The following TRPC6 variants were observed in gnomAD, a reference collection of about 807,000 sequenced individuals.
TRPC6 encodes the protein transient receptor potential cation channel subfamily C member 6.
TRPC6 carries 55 observed loss-of-function variants against 90.7 expected under a neutral mutation model. The ratio of observed to expected loss-of-function variants is 0.61; its 90% confidence interval spans 0.49 to 0.76. TRPC6 has a LOEUF of 0.76. TRPC6 is among the 30% of genes least tolerant of loss of function. The pLI, the probability that TRPC6 is intolerant of heterozygous loss-of-function variation, is 0.00. For missense variants in TRPC6, 989 were observed against 1,122.7 expected (o/e 0.88, Z 1.70); for synonymous variants, 393 against 393.0 (o/e 1.00, Z 0.00).
intron 2 of TRPC6, among the ~76,000 whole-genome samples, chr11:101,502,891 C>T (rs1860163463): frequency 6.6e-6 from 1 of 152,060 alleles, no homozygotes; most frequent in African/African-American, 2.4e-5. Context: ...ACAGTGGCAC[C>T]AAGAAGCTGC....
chr11:101,576,073 T>G (rs986222029), intron 1 of TRPC6, among the ~76,000 whole-genome samples: 48 of 152,232 alleles, frequency 3.2e-4, no homozygotes, highest in African/African-American at 1.1e-3. Flanking sequence ...ATATATTGGG[T>G]TTTGCCCACT....
rs147898296 is a variant in TRPC6 at position 101,561,486 on chromosome 11, A to G, written c.170+21848T>C. On this transcript the variant is annotated intron_variant, in intron 1 of 12. Transcript: ENST00000344327. Reference sequence around the variant, plus strand: ...TACTTTTTATTTTAAATTTTCATGGAAACTGTTGAGAACATTTGAGAACAG... The same window carrying G: ...TACTTTTTATTTTAAATTTTCATGGGAACTGTTGAGAACATTTGAGAACAG... Among the ~76,000 whole-genome samples the G allele has an allele frequency of 2.6e-3, 400 of 152,280 alleles. 3 individuals are homozygous for G. The highest frequency in any genetic ancestry group is 9.3e-3 in the African/African-American group (385 of 41,572).
Position 101,491,705 on chromosome 11 carries a change from C to T in TRPC6, c.979G>A (p.Asp327Asn), listed in dbSNP as rs760419631. 3 of 1,613,926 alleles carry T rather than the reference C, an allele frequency of 1.9e-6. No individual in the cohort carries two copies. The highest frequency in any genetic ancestry group is 2.5e-6 in the Non-Finnish European group (3 of 1,179,974). The change falls in exon 3 of 13, where the codon GAC becomes AAC. Residue 327 changes from aspartate (D) to asparagine (N), a missense_variant. Physicochemically the swap from Asp to Asn is conservative, Grantham distance 23. Coordinates refer to ENST00000344327, the MANE Select transcript of TRPC6 (RefSeq NM_004621.6). ...DYKKLSMQCKDFVVGLLDLCR... is the reference protein window; with the variant it reads ...DYKKLSMQCKNFVVGLLDLCR... ...AGATCAAGGAGTCCAACAACAAAGT[C>T]TTTGCACTGCATTGACAGTTTTTTG...
At chr11:101,455,161 G>A (rs1295975036) in intron 10 of TRPC6, 60 bp from the exon 11 acceptor site, 1 of 1,354,932 alleles carries the variant, frequency 7.4e-7, no homozygotes, top group African/African-American at 1.5e-5. Flanking sequence ...AAATAAAGTA[G>A]TGAGATTAGT....
intron 1 of TRPC6, among the ~76,000 whole-genome samples, chr11:101,560,668 T>G (rs1316183070): frequency 6.6e-6 from 1 of 151,626 alleles, no homozygotes; most frequent in Non-Finnish European, 1.5e-5. Context: ...AAAAATAGCA[T>G]AGATCTGCCC....
intron 1 of TRPC6, among the ~76,000 whole-genome samples, chr11:101,558,117 C>T (rs547796738): frequency 6.6e-6 from 1 of 151,630 alleles, no homozygotes; most frequent in African/African-American, 2.4e-5. Flanking sequence ...TATCATACTA[C>T]CTGACCTCAA....
chr11:101,475,684 T>A (rs1482656370), intron 6 of TRPC6, among the ~76,000 whole-genome samples: 1 of 151,938 alleles, frequency 6.6e-6, no homozygotes, highest in Non-Finnish European at 1.5e-5. Context: ...CTTCTTTGAG[T>A]TTGACTTTTT....
intron 1 of TRPC6, among the ~76,000 whole-genome samples, chr11:101,514,242 T>C (rs1350514952): frequency 6.6e-6 from 1 of 151,138 alleles, no homozygotes; most frequent in Non-Finnish European, 1.5e-5. Flanking sequence ...GCTAGGCACA[T>C]TGGGGGTACA....
At chr11:101,567,165 A>G (rs1861853998) in intron 1 of TRPC6, among the ~76,000 whole-genome samples, 1 of 150,948 alleles carries the variant, frequency 6.6e-6, no homozygotes. Context: ...CACCTGGGTC[A>G]CTCTAGCTAG....
At chr11:101,526,667 T>G (rs942893488) in intron 1 of TRPC6, among the ~76,000 whole-genome samples, 3 of 151,404 alleles carry the variant, frequency 2.0e-5, no homozygotes, top group Non-Finnish European at 4.4e-5. Flanking sequence ...GTGAGACCAG[T>G]GTGGCCAACA....
At chr11:101,535,826 G>T (rs1214054485) in intron 1 of TRPC6, among the ~76,000 whole-genome samples, 1 of 152,154 alleles carries the variant, frequency 6.6e-6, no homozygotes, top group East Asian at 1.9e-4. Context: ...TATAGAATGT[G>T]AGAATATCCT....
At chr11:101,470,150 A>C (rs1285848170) in intron 9 of TRPC6, among the ~76,000 whole-genome samples, 1 of 152,206 alleles carries the variant, frequency 6.6e-6, no homozygotes, top group Non-Finnish European at 1.5e-5. Flanking sequence ...TCTGGCATTT[A>C]TTGACTTCTT....
chr11:101,476,258 A>C (rs1265521570), intron 6 of TRPC6, 43 bp downstream of exon 6: 1 of 1,562,064 alleles, frequency 6.4e-7, no homozygotes, highest in South Asian at 1.1e-5. Context: ...TTTTACAAGA[A>C]AATTCTGCAT....
At chr11:101,487,381 G>A (rs2136698914) in intron 4 of TRPC6, among the ~76,000 whole-genome samples, 1 of 152,202 alleles carries the variant, frequency 6.6e-6, no homozygotes, top group East Asian at 1.9e-4. Flanking sequence ...ATTTAGAAAT[G>A]TATTTGTCTA....
chr11:101,492,363 C>G (rs939590024), intron 2 of TRPC6, among the ~76,000 whole-genome samples: 1 of 152,086 alleles, frequency 6.6e-6, no homozygotes, highest in African/African-American at 2.4e-5. Context: ...GTTGGCAGAT[C>G]GCTTGAGCCC....
chr11:101,468,554 G>T (rs1230298434), intron 10 of TRPC6, among the ~76,000 whole-genome samples: 1 of 152,206 alleles, frequency 6.6e-6, no homozygotes, highest in Non-Finnish European at 1.5e-5. Context: ...AAAGGTGGTG[G>T]CAGATTCAGC....
At chr11:101,486,859 T>G (rs1859689156) in intron 4 of TRPC6, among the ~76,000 whole-genome samples, 1 of 152,182 alleles carries the variant, frequency 6.6e-6, no homozygotes, top group Non-Finnish European at 1.5e-5. Context: ...CATATTTATG[T>G]TCACTGCAAA....
intron 7 of TRPC6, among the ~76,000 whole-genome samples, chr11:101,472,972 A>G (rs986475432): frequency 4.1e-5 from 3 of 73,620 alleles, no homozygotes; most frequent in Non-Finnish European, 7.8e-5. Flanking sequence ...CACTTTATGA[A>G]AAAAAAAACA....
intron 1 of TRPC6, among the ~76,000 whole-genome samples, chr11:101,578,708 C>T (rs1188666520): frequency 2.0e-5 from 3 of 152,036 alleles, no homozygotes; most frequent in African/African-American, 7.2e-5. Context: ...ATATTTAGTA[C>T]ATATCCATCG....
Sources: allele counts gnomAD v4.1 joint callset (sites outside exome capture counted in the v4.1 genomes callset), GRCh38; gene constraint gnomAD v4.1.1; transcripts MANE v1.5; gene names NCBI Gene and HGNC (gene_info 2026-07-23, HGNC 2026-07-21).